Variants in SH3KBP1 observed in about 807,000 individuals in gnomAD.
SH3KBP1 encodes the protein SH3 domain containing kinase binding protein 1.
A neutral mutation model predicts 50.1 loss-of-function variants in SH3KBP1; 8 were observed. That is an observed-to-expected ratio of 0.16 (90% CI 0.09 to 0.29). The LOEUF is 0.29. Ranked by LOEUF, SH3KBP1 falls within the 10% of genes least tolerant of loss-of-function variation. SH3KBP1 has a pLI of 1.00. For synonymous variants in SH3KBP1, 227 were observed against 218.6 expected, an observed-to-expected ratio of 1.04 and a Z score of -0.34; for missense variants, 377 against 535.2, an observed-to-expected ratio of 0.70 and a Z score of 2.92.
At chrX:19,660,361 A>G (rs2062416455) in intron 6 of SH3KBP1, among the ~76,000 whole-genome samples, 1 of 112,538 alleles carries the variant, frequency 8.9e-6, no homozygotes, top group Non-Finnish European at 1.9e-5. Flanking sequence ...TTCGATTACA[A>G]CTTTTTGAAA....
At chrX:19,811,679 T>C (rs2067211250) in intron 2 of SH3KBP1, among the ~76,000 whole-genome samples, 1 of 112,155 alleles carries the variant, frequency 8.9e-6, no homozygotes, top group African/African-American at 3.3e-5. Flanking sequence ...ACAGTCCCTC[T>C]TTGGTTTTGA....
chrX:19,686,144 C>T (rs1347629166), intron 5 of SH3KBP1, among the ~76,000 whole-genome samples: 1 of 111,817 alleles, frequency 8.9e-6, no homozygotes, highest in African/African-American at 3.3e-5. Flanking sequence ...GGGAAGGAAA[C>T]ACACAGCAGA....
At chrX:19,588,926 G>C in intron 11 of SH3KBP1, 124 bp from the exon 12 acceptor site, 2 of 599,162 alleles carry the variant, frequency 3.3e-6, no homozygotes, top group South Asian at 8.9e-5. Context: ...GGTGATCATG[G>C]AAGGCCAAGA....
chrX:19,621,135 C>T (rs368953638), intron 8 of SH3KBP1, among the ~76,000 whole-genome samples: 6 of 93,238 alleles, frequency 6.4e-5, no homozygotes, highest in Non-Finnish European at 1.0e-4. Flanking sequence ...AGTGCAGTGG[C>T]GCGATCTTGG....
At chrX:19,736,752 T>C (rs1389022989) in intron 3 of SH3KBP1, among the ~76,000 whole-genome samples, 1 of 111,576 alleles carries the variant, frequency 9.0e-6, no homozygotes, top group African/African-American at 3.3e-5. Flanking sequence ...AGGCTGCACA[T>C]GGCATCAGAG....
At chrX:19,713,404 C>A (rs780372675) in intron 3 of SH3KBP1, among the ~76,000 whole-genome samples, 2 of 108,826 alleles carry the variant, frequency 1.8e-5, no homozygotes, top group South Asian at 8.1e-4. Context: ...CTGGGACTAC[C>A]GATGTGAGCT....
At chrX:19,763,044 G>C (rs2065479506) in intron 2 of SH3KBP1, among the ~76,000 whole-genome samples, 1 of 111,787 alleles carries the variant, frequency 8.9e-6, no homozygotes, top group African/African-American at 3.3e-5. Context: ...GTAGGAGATA[G>C]TTCTCTTCTC....
chrX:19,568,145 G>C (rs1265284704), intron 13 of SH3KBP1, among the ~76,000 whole-genome samples: 1 of 111,214 alleles, frequency 9.0e-6, no homozygotes, highest in Non-Finnish European at 1.9e-5. Flanking sequence ...ATGGTTAATA[G>C]GTACAAAAAA....
intron 15 of SH3KBP1, among the ~76,000 whole-genome samples, chrX:19,542,431 C>G (rs1196132188): frequency 2.7e-5 from 3 of 111,769 alleles, no homozygotes; most frequent in African/African-American, 9.8e-5. Flanking sequence ...AGAGAGTTTC[C>G]GACTGGTTCA....
chrX:19,749,021 G>A (rs2064998515), intron 2 of SH3KBP1, among the ~76,000 whole-genome samples: 1 of 112,392 alleles, frequency 8.9e-6, no homozygotes, highest in African/African-American at 3.2e-5. Context: ...ACATACAAGT[G>A]GCTAATGAGC....
chrX:19,634,741 C>T (rs981616988), intron 7 of SH3KBP1, among the ~76,000 whole-genome samples: 10 of 112,083 alleles, frequency 8.9e-5, no homozygotes, highest in Non-Finnish European at 1.9e-4. Context: ...AATCACACTA[C>T]AACTCTGGAT....
At chrX:19,631,830 G>A (rs779856659) in intron 8 of SH3KBP1, 34 bp downstream of exon 8, 5 of 982,570 alleles carry the variant, frequency 5.1e-6, no homozygotes, top group Non-Finnish European at 7.2e-6. Flanking sequence ...AAAGCAGTTC[G>A]CGATTTAGAA....
intron 3 of SH3KBP1, among the ~76,000 whole-genome samples, chrX:19,736,968 G>A (rs1462958240): frequency 3.8e-5 from 4 of 104,163 alleles, no homozygotes; most frequent in African/African-American, 1.1e-4. Flanking sequence ...GTGCAGTGGT[G>A]CGATTTCAGC....
chrX:19,548,544 T>C (rs1261690358), intron 14 of SH3KBP1, among the ~76,000 whole-genome samples: 1 of 111,098 alleles, frequency 9.0e-6, no homozygotes, highest in Admixed American at 9.6e-5. Flanking sequence ...CTTTTAAAAG[T>C]GTTTCACCCA....
At chrX:19,778,532 G>A (rs1480844246) in intron 2 of SH3KBP1, among the ~76,000 whole-genome samples, 8 of 110,309 alleles carry the variant, frequency 7.3e-5, no homozygotes, top group Admixed American at 2.9e-4. Context: ...CCTGGCAATC[G>A]GGCAGATACG....
intron 8 of SH3KBP1, among the ~76,000 whole-genome samples, chrX:19,618,385 C>CAA (rs1169013925): frequency 0.036 from 635 of 17,750 alleles, 54 homozygotes; most frequent in African/African-American, 0.066. Flanking sequence ...GACTCTGTCT[C>CAA]AAAAAAAAAA....
At chrX:19,557,532 T>A (rs2065528677) in intron 13 of SH3KBP1, among the ~76,000 whole-genome samples, 2 of 112,472 alleles carry the variant, frequency 1.8e-5, no homozygotes, top group African/African-American at 6.5e-5. Flanking sequence ...TGTGATGATC[T>A]TCTATAATCT....
intron 1 of SH3KBP1, among the ~76,000 whole-genome samples, chrX:19,884,847 G>C (rs1020194967): frequency 8.9e-6 from 1 of 112,072 alleles, no homozygotes; most frequent in Non-Finnish European, 1.9e-5. Flanking sequence ...GGCACATTCT[G>C]ATGGGCTTTT....
chrX:19,817,456 A>C (rs1410571240), intron 2 of SH3KBP1, among the ~76,000 whole-genome samples: 2 of 111,657 alleles, frequency 1.8e-5, no homozygotes, highest in Admixed American at 1.9e-4. Flanking sequence ...AATACTATTA[A>C]CAACATTTTG....
Sources: gnomAD v4.1 joint callset for allele counts (sites outside exome capture counted in the v4.1 genomes callset) on GRCh38, gnomAD v4.1.1 for gene constraint, MANE v1.5 for transcripts, NCBI Gene and HGNC (gene_info 2026-07-23, HGNC 2026-07-21) for gene names.